Variants in INTS15 observed in about 807,000 individuals in gnomAD.
INTS15 encodes uncharacterized protein C7orf26.
chr7:6,595,057 G>C, the INTS15 span, among the ~76,000 whole-genome samples: 1 of 149,138 alleles, frequency 6.7e-6, no homozygotes, highest in African/African-American at 2.5e-5. Flanking sequence ...TTTGAGACAG[G>C]GTTTCACTCT....
At chr7:6,594,268 A>G in the INTS15 span, 937 of 634,206 alleles carry the variant, frequency 1.5e-3, 7 homozygotes, top group African/African-American at 0.014. Flanking sequence ...GGCCTCTCAA[A>G]GTGTTGGGAT....
At chr7:6,597,512 C>T in the INTS15 span, among the ~76,000 whole-genome samples, 1 of 152,140 alleles carries the variant, frequency 6.6e-6, no homozygotes, top group Non-Finnish European at 1.5e-5. Flanking sequence ...CCAGGCTGGT[C>T]TCAAACTCCT....
At chr7:6,608,260 G>A in the INTS15 span, 4 of 1,488,908 alleles carry the variant, frequency 2.7e-6, no homozygotes, top group Non-Finnish European at 3.6e-6. Flanking sequence ...GAAGGGGTCG[G>A]GCAGCCCCTC....
the INTS15 span, among the ~76,000 whole-genome samples, chr7:6,598,769 G>A: frequency 2.5e-4 from 26 of 104,420 alleles, 1 homozygote; most frequent in East Asian, 1.3e-3. Flanking sequence ...GTGTGTGTGT[G>A]TGTGTGTGTG....
chr7:6,607,439 C>T, the INTS15 span: 13 of 681,794 alleles, frequency 1.9e-5, no homozygotes, highest in Non-Finnish European at 2.5e-5. The surrounding 1 kb of genome is among the most constrained non-coding windows in gnomAD (Gnocchi z 6.0). Context: ...CTGCGCGGGG[C>T]GGGGTGGGAG....
chr7:6,599,731 C>A, the INTS15 span: 2 of 1,162,678 alleles, frequency 1.7e-6, no homozygotes, highest in Non-Finnish European at 2.5e-6. Context: ...ATCAGGTGGG[C>A]AGTGCCATGG....
At chr7:6,599,148 A>T in the INTS15 span, among the ~76,000 whole-genome samples, 1 of 152,106 alleles carries the variant, frequency 6.6e-6, no homozygotes, top group East Asian at 1.9e-4. Context: ...TGTCCTTTGT[A>T]TGAGACTAAT....
At chr7:6,608,567 G>A in the INTS15 span, 4 of 1,081,582 alleles carry the variant, frequency 3.7e-6, no homozygotes, top group African/African-American at 5.1e-5. Context: ...CTGCAGCCCC[G>A]TGAGCTGAGC....
chr7:6,592,277 T>G, the INTS15 span, among the ~76,000 whole-genome samples: 18 of 151,834 alleles, frequency 1.2e-4, no homozygotes, highest in Non-Finnish European at 1.5e-5. Context: ...TTTAAATTAT[T>G]TTTTTTGGCC....
At chr7:6,590,179 GC>G in the INTS15 span, 2 of 1,072,268 alleles carry the variant, frequency 1.9e-6, no homozygotes, top group Non-Finnish European at 2.5e-6. Flanking sequence ...GGGTGCCGCA[GC>G]CCAGGCCCGG....
the INTS15 span, chr7:6,590,595 C>T: frequency 7.2e-7 from 1 of 1,393,162 alleles, no homozygotes; most frequent in Non-Finnish European, 9.3e-7. Context: ...CGCGCTCGCG[C>T]TCGGCCTCGC....
chr7:6,594,571 C>G, the INTS15 span: 1 of 1,614,102 alleles, frequency 6.2e-7, no homozygotes. Flanking sequence ...TTCATCACCT[C>G]CGTTACCGCG....
chr7:6,606,903 C>T, the INTS15 span, among the ~76,000 whole-genome samples: 1 of 152,044 alleles, frequency 6.6e-6, no homozygotes, highest in Non-Finnish European at 1.5e-5. Flanking sequence ...GAGATAGGGT[C>T]TCACTGTATT....
the INTS15 span, chr7:6,607,774 A>G: frequency 2.0e-6 from 3 of 1,483,284 alleles, no homozygotes; most frequent in Non-Finnish European, 2.7e-6. This position sits in a 1 kb window ranked among gnomAD's most constrained non-coding sequence, Gnocchi z 6.0. Flanking sequence ...ACTCCCACGC[A>G]TCCTCGCCTG....
chr7:6,602,210 A>G, the INTS15 span: 36 of 1,370,558 alleles, frequency 2.6e-5, 1 homozygote, highest in Admixed American at 6.9e-4. Context: ...AGACAGGGCG[A>G]GCCCCTTTGT....
At chr7:6,605,335 G>A in the INTS15 span, among the ~76,000 whole-genome samples, 1 of 152,082 alleles carries the variant, frequency 6.6e-6, no homozygotes, top group Non-Finnish European at 1.5e-5. Context: ...CCACAGCATC[G>A]AAGAACATTG....
chr7:6,594,712 C>G, the INTS15 span: 7 of 990,606 alleles, frequency 7.1e-6, no homozygotes, highest in Non-Finnish European at 1.0e-5. Context: ...TGTTTTGTCT[C>G]TGAAATGTAT....
the INTS15 span, chr7:6,607,886 G>A: frequency 6.4e-6 from 10 of 1,574,704 alleles, no homozygotes; most frequent in Non-Finnish European, 8.6e-6. The surrounding 1 kb of genome is among the most constrained non-coding windows in gnomAD (Gnocchi z 6.0). Flanking sequence ...GCGGGGGGAC[G>A]GGGTCAGCCT....
the INTS15 span, chr7:6,608,047 C>G: frequency 6.3e-7 from 1 of 1,599,638 alleles, no homozygotes; most frequent in Non-Finnish European, 8.5e-7. Flanking sequence ...TCCACACGCC[C>G]CCGCTGGGCT....
Sources: gnomAD v4.1 joint callset for allele counts (sites outside exome capture counted in the v4.1 genomes callset) on GRCh38, gnomAD v4.1.1 for gene constraint, Gnocchi (gnomAD v3.1) non-coding constraint, MANE v1.5 for transcripts, NCBI Gene and HGNC (gene_info 2026-07-23, HGNC 2026-07-21) for gene names.